BMS1: variants seen among roughly 807,000 people sequenced by gnomAD.
BMS1 encodes the protein ribosome biogenesis protein BMS1 homolog.
BMS1 carries 53 observed loss-of-function variants against 138.7 expected under a neutral mutation model. The observed-to-expected ratio is 0.38, with a 90% CI of 0.31 to 0.48. The LOEUF (loss-of-function observed/expected upper bound fraction) is 0.48. Among genes scored for constraint, BMS1 ranks in the 20% least tolerant of loss-of-function variants. BMS1 has a pLI of 0.97. For synonymous variants in BMS1, 504 were observed against 539.9 expected (o/e 0.93, Z 0.92); for missense variants, 1,360 against 1,565.5 (o/e 0.87, Z 2.22).
rs769210277 is a variant in BMS1 at position 42,830,241 on chromosome 10, G to A, written c.3457-20G>A. The A allele has an allele frequency of 2.5e-6, 4 of 1,609,142 alleles. No homozygotes were observed. In the South Asian group the frequency reaches 4.5e-5, roughly 18 times the overall value. Reference sequence around the variant, plus strand: ...TTGATCATAATTTGAATATGTCACAGTCTTTGTTTTTCTTTTCAGCCAATC... The same window carrying A: ...TTGATCATAATTTGAATATGTCACAATCTTTGTTTTTCTTTTCAGCCAATC... On this transcript the variant is annotated intron_variant, in intron 21 of 22. Transcript: ENST00000374518.
chr10:42,806,183 C>T (rs1842006713), intron 13 of BMS1, among the ~76,000 whole-genome samples: 1 of 152,162 alleles, frequency 6.6e-6, no homozygotes, highest in Admixed American at 6.5e-5. Context: ...TCCAATTCTG[C>T]TTTGACCTTT....
rs766507688 is a variant in BMS1 at position 42,798,559 on chromosome 10, C to A, written c.2181C>A (p.His727Gln). 6.2e-7 allele frequency: 1 copy of A among 1,614,228 alleles called. No homozygotes were observed. The highest frequency in any genetic ancestry group is 8.5e-7 in the Non-Finnish European group (1 of 1,180,042). ...RVNQPDRECK[H>Q]KADSLDCSRF... ...ACCAGCCTGACAGAGAGTGTAAGCACAAGGCTGACTCTTTGGACTGCTCCA... is the reference window on the plus strand; with the variant it reads ...ACCAGCCTGACAGAGAGTGTAAGCAAAAGGCTGACTCTTTGGACTGCTCCA... The change falls in exon 12 of 23, where the codon CAC becomes CAA. Residue 727 changes from histidine to glutamine, a missense_variant. This residue lies in a region of BMS1 where 697 missense variants were observed against 686.2 expected (regional missense o/e 1.02). Transcript: ENST00000374518.
In BMS1 at chr10:42,802,234, G is replaced by A; in HGVS notation, c.2329+16G>A. 1.2e-6 allele frequency: 2 copies of A among 1,607,580 alleles called. No individual in the cohort carries two copies. Among genetic ancestry groups the A allele is most frequent in the Non-Finnish European group, 8.5e-7 (1 of 1,175,880 alleles). ...GCAGAAGATGGTAAGTAAAGAGCTG[G>A]GTTCTTCAGGAAGACTGGCTTCTCT... On this transcript the variant is annotated intron_variant, in intron 13 of 22. Transcript: ENST00000374518.
intron 15 of BMS1, among the ~76,000 whole-genome samples, chr10:42,819,232 TG>T (rs966684419): frequency 6.6e-6 from 1 of 152,090 alleles, no homozygotes; most frequent in African/African-American, 2.4e-5. Context: ...AGTGAGCAAG[TG>T]ATGTGTGGCC....
At chr10:42,801,098 T>C (rs774606966) in intron 12 of BMS1, among the ~76,000 whole-genome samples, 1 of 152,218 alleles carries the variant, frequency 6.6e-6, no homozygotes, top group Non-Finnish European at 1.5e-5. Flanking sequence ...TAAGAAATCC[T>C]GATTTCTTTT....
intron 11 of BMS1, among the ~76,000 whole-genome samples, chr10:42,798,104 T>C (rs924380793): frequency 2.0e-5 from 3 of 152,230 alleles, no homozygotes; most frequent in African/African-American, 7.2e-5. Context: ...AGGTTTTGTC[T>C]AGGTACTCTT....
rs1842767183 is a variant in BMS1, at chr10:42,830,400, T to C, written c.3596T>C (p.Ile1199Thr). The stretch of plus-strand genomic sequence containing the variant: ...AAGGACAGGCGGAGACCGGCCGTCA[T>C]ACGCGAGCCTCATGAAAGAAAGGTA... Reference protein sequence around the residue: ...VPKDRRRPAVIREPHERKILA... With the variant: ...VPKDRRRPAVTREPHERKILA... The change falls in exon 22 of 23, where the codon ATA becomes ACA. Residue 1199 changes from isoleucine to threonine, a missense_variant. Coordinates refer to ENST00000374518, the MANE Select transcript of BMS1 (RefSeq NM_014753.4). The C allele has an allele frequency of 6.2e-7, 1 of 1,609,148 alleles. No homozygotes were observed.
chr10:42,801,692 G>A (rs141937672), intron 12 of BMS1, among the ~76,000 whole-genome samples: 15 of 152,284 alleles, frequency 9.9e-5, no homozygotes, highest in Admixed American at 2.6e-4. Flanking sequence ...AGTTGTATGC[G>A]TTGTTTATAT....
chr10:42,827,275 A>C (rs529059533), intron 21 of BMS1, among the ~76,000 whole-genome samples: 57 of 152,260 alleles, frequency 3.7e-4, no homozygotes, highest in African/African-American at 1.3e-3. Context: ...CTTTTCAGAC[A>C]CAAGCAGGGT....
chr10:42,812,433 C>T (rs1010071699), intron 13 of BMS1, among the ~76,000 whole-genome samples: 2 of 152,198 alleles, frequency 1.3e-5, no homozygotes, highest in African/African-American at 4.8e-5. Flanking sequence ...AGCCACTGTG[C>T]CCGGCCTCCG....
intron 22 of BMS1, 102 bp downstream of exon 22, chr10:42,830,524 ACTGG>A: frequency 6.9e-7 from 1 of 1,439,670 alleles, no homozygotes; most frequent in Middle Eastern, 1.8e-4. Context: ...TATTCAGGGC[ACTGG>A]AACTAAAGTC....
At chr10:42,816,842 T>C (rs1206446678) in intron 14 of BMS1, among the ~76,000 whole-genome samples, 170 bp downstream of exon 14, 1 of 152,206 alleles carries the variant, frequency 6.6e-6, no homozygotes, top group Non-Finnish European at 1.5e-5. Context: ...TGTTTACTTG[T>C]TAAGTTTTGG....
rs115006055 is a variant in BMS1 at position 42,803,281 on chromosome 10, A to G, written c.2329+1063A>G. Among the ~76,000 whole-genome samples the G allele has an allele frequency of 1.7e-3, 253 of 152,136 alleles. 1 individual carries two copies. The highest frequency in any genetic ancestry group is 6.0e-3 in the African/African-American group (248 of 41,524). ...AGCCTCCTGAGTAGCTTGAACCACA[A>G]ATGTATACCACCATGCCTGGCTAAT... On this transcript the variant is annotated intron_variant, in intron 13 of 22. Transcript: ENST00000374518.
chr10:42,798,963 T>G (rs932296013), intron 12 of BMS1, among the ~76,000 whole-genome samples: 1 of 152,200 alleles, frequency 6.6e-6, no homozygotes, highest in Non-Finnish European at 1.5e-5. Context: ...TGAGTTAACA[T>G]TTATAGTTTC....
At position 42,787,202 on chromosome 10, in the gene BMS1, G is replaced by A. The variant is rs547314695; in HGVS notation, c.402G>A (p.Gly134=). 7.1e-7 allele frequency: 1 copy of A among 1,411,286 alleles called. No homozygotes were observed. Among genetic ancestry groups the A allele is most frequent in the East Asian group, 2.3e-5 (1 of 43,956 alleles). 87.4% of individuals were successfully genotyped at this position (1,411,286 alleles called of 1,614,324 possible). A position where few individuals can be genotyped will look rare whatever the true frequency, so the allele number is the denominator to read the frequency against. Residue 134 remains glycine, a synonymous_variant, in exon 4 of 23, where the codon GGG becomes GGA. Coordinates refer to ENST00000374518, the MANE Select transcript of BMS1 (RefSeq NM_014753.4). ...GCAGACTCACCATTATTGAATGTGG[G>A]TGTGACATTAACATGATGATTGATC... ...KKRRLTIIEC[G]CDINMMIDLA... is the part of the protein sequence containing the mutation.
At chr10:42,826,237 T>TTG (rs35886214) in intron 21 of BMS1, among the ~76,000 whole-genome samples, 3,424 of 145,704 alleles carry the variant, frequency 0.023, 93 homozygotes, top group African/African-American at 0.063. Context: ...TTTTTGTTTG[T>TTG]TGTGTGTGTG....
rs1156640877 is a variant in BMS1, at chr10:42,784,499, A to G, written c.105A>G (p.Glu35=). The change falls in exon 2 of 23, where the codon GAA becomes GAG. Residue 35 remains glutamate (E), a synonymous_variant. Coordinates refer to ENST00000374518, the MANE Select transcript of BMS1 (RefSeq NM_014753.4). ...LLQDLQLGDE[E]DARKRNPKAF... is the part of the protein sequence containing the mutation. ...AGGATCTCCAGCTAGGAGACGAAGA[A>G]GATGCCCGGAAGAGAAATCCCAAAG... 1 of 1,613,896 alleles carries G rather than the reference A, an allele frequency of 6.2e-7. No individual in the cohort carries two copies. Among genetic ancestry groups the G allele is most frequent in the Non-Finnish European group, 8.5e-7 (1 of 1,179,872 alleles).
rs141439991 is a variant in BMS1, at chr10:42,828,110, G to A, written c.3457-2151G>A. Reference sequence around the variant, plus strand: ...ACGCCCTGGACCAAGCAGTAGCCTCGCCCTGTGGCCTCTCCCAGGCACTGC... The same window carrying A: ...ACGCCCTGGACCAAGCAGTAGCCTCACCCTGTGGCCTCTCCCAGGCACTGC... On this transcript the variant is annotated intron_variant, in intron 21 of 22. Transcript: ENST00000374518. Among the ~76,000 whole-genome samples the A allele has an allele frequency of 1.5e-3, 233 of 152,274 alleles. 1 individual carries two copies. The highest frequency in any genetic ancestry group is 0.01 in the Middle Eastern group (3 of 294).
Position 42,792,978 on chromosome 10 carries a change from G to A in BMS1, c.923G>A (p.Ser308Asn), listed in dbSNP as rs1841559060. The change falls in exon 8 of 23, where the codon AGT (serine) becomes AAT (asparagine). Residue 308 changes from serine to asparagine, a missense_variant. This residue lies in a region of BMS1 where 697 missense variants were observed against 686.2 expected (regional missense o/e 1.02). Transcript: ENST00000374518. Reference sequence around the variant, plus strand: ...CCAGGGGTAGGAGATTTTGCCGTGAGTGACATCAGTTTCCTCCCAGACCCT... The same window carrying A: ...CCAGGGGTAGGAGATTTTGCCGTGAATGACATCAGTTTCCTCCCAGACCCT... The part of the protein sequence containing the change: ...HMPGVGDFAV[S>N]DISFLPDPCA... 6.2e-7 allele frequency: 1 copy of A among 1,611,294 alleles called. No homozygotes were observed. The highest frequency in any genetic ancestry group is 1.3e-5 in the African/African-American group (1 of 74,774).
Sources: gnomAD v4.1 joint callset for allele counts (sites outside exome capture counted in the v4.1 genomes callset) on GRCh38, gnomAD v4.1.1 for gene constraint, gnomAD v4.1.1 regional missense constraint, MANE v1.5 for transcripts, NCBI Gene and HGNC (gene_info 2026-07-23, HGNC 2026-07-21) for gene names.